Variants in ARHGAP42 observed in about 807,000 individuals in gnomAD.
The protein encoded by ARHGAP42 is Rho GTPase activating protein 42.
Under a neutral mutation model 125.0 loss-of-function variants are expected in ARHGAP42, and 63 were observed. That is an observed-to-expected ratio of 0.50 (90% CI 0.41 to 0.62). The LOEUF (loss-of-function observed/expected upper bound fraction) is 0.62, where lower values mean the gene tolerates loss of function less well. Among genes scored for constraint, ARHGAP42 ranks in the 20% least tolerant of loss-of-function variants. The probability of loss-of-function intolerance (pLI) is 0.00; values close to 1 mark genes in which losing one functional copy is unlikely to be tolerated. For synonymous variants in ARHGAP42, 339 were observed against 351.0 expected (o/e 0.97, Z 0.38); for missense variants, 766 against 1,024.2 (o/e 0.75, Z 3.44).
At position 100,706,126 on chromosome 11, in the gene ARHGAP42, C is replaced by T. The variant is rs1039029405; in HGVS notation, c.154+18294C>T. ...TCCCACGTAGCTGGGACTACAGGCG[C>T]GTGCCACCACGCCCAGAGTTAGCTG... On this transcript the variant is annotated intron_variant, in intron 1 of 23. Coordinates refer to ENST00000298815, the MANE Select transcript of ARHGAP42 (RefSeq NM_152432.4). Among the ~76,000 whole-genome samples, 16 of 151,972 alleles carry T rather than the reference C, an allele frequency of 1.1e-4. No individual in the cohort carries two copies. The East Asian group carries it at 1.9e-3, about 18-fold the overall frequency.
intron 4 of ARHGAP42, among the ~76,000 whole-genome samples, chr11:100,906,233 T>C (rs1227661745): frequency 1.3e-5 from 2 of 152,182 alleles, no homozygotes; most frequent in Non-Finnish European, 2.9e-5. Context: ...TCCTGAGAAA[T>C]GGTACAGAAG....
Position 100,876,843 on chromosome 11 carries a change from G to A in ARHGAP42, c.384+17218G>A, listed in dbSNP as rs568062577. Among the ~76,000 whole-genome samples the A allele has an allele frequency of 5.3e-5, 8 of 152,234 alleles. No individual in the cohort carries two copies. In the South Asian group the frequency reaches 8.3e-4, roughly 16 times the overall value. On this transcript the variant is annotated intron_variant, in intron 4 of 23. Coordinates refer to ENST00000298815, the MANE Select transcript of ARHGAP42 (RefSeq NM_152432.4). ...GTTCTGTATTTAGAGTTGATTTTAC[G>A]TCTTTCTCTTCTATATACAGCCAGT... is the stretch of plus-strand genomic sequence containing the variant.
chr11:100,878,101 T>G (rs536984884), intron 4 of ARHGAP42, among the ~76,000 whole-genome samples: 1 of 151,284 alleles, frequency 6.6e-6, no homozygotes, highest in Non-Finnish European at 1.5e-5. Context: ...AAAATGGTAA[T>G]AAATGCCAAT....
intron 3 of ARHGAP42, among the ~76,000 whole-genome samples, chr11:100,819,854 T>C (rs1246348512): frequency 2.0e-5 from 3 of 152,196 alleles, no homozygotes; most frequent in African/African-American, 2.4e-5. Context: ...GCACTTGTTT[T>C]TCCTCCCTGA....
chr11:100,708,883 C>T (rs986983857), intron 1 of ARHGAP42, among the ~76,000 whole-genome samples: 5 of 152,088 alleles, frequency 3.3e-5, no homozygotes, highest in African/African-American at 1.2e-4. Flanking sequence ...ATAAATTAGG[C>T]ATAGTGAGAG....
At chr11:100,701,339 C>T (rs1228987749) in intron 1 of ARHGAP42, among the ~76,000 whole-genome samples, 2 of 152,150 alleles carry the variant, frequency 1.3e-5, no homozygotes, top group Non-Finnish European at 2.9e-5. Context: ...TCACCAGCTG[C>T]TTTGGCTCCT....
chr11:100,933,318 G>T, intron 7 of ARHGAP42, 58 bp downstream of exon 7: 1 of 1,246,466 alleles, frequency 8.0e-7, no homozygotes, highest in South Asian at 1.6e-5. Context: ...GATTTCACAG[G>T]GCAACTAATT....
intron 5 of ARHGAP42, among the ~76,000 whole-genome samples, chr11:100,917,772 A>G (rs1179634246): frequency 6.6e-6 from 1 of 152,038 alleles, no homozygotes; most frequent in Non-Finnish European, 1.5e-5. Flanking sequence ...GGGTTTCACT[A>G]TGTTGGCCAG....
At chr11:100,975,499 A>G (rs1042973777) in intron 19 of ARHGAP42, among the ~76,000 whole-genome samples, 3 of 152,166 alleles carry the variant, frequency 2.0e-5, no homozygotes, top group Non-Finnish European at 2.9e-5. Context: ...TTACATTTCT[A>G]TATTCTTAGC....
intron 14 of ARHGAP42, among the ~76,000 whole-genome samples, 158 bp downstream of exon 14, chr11:100,961,147 C>T (rs944268618): frequency 3.3e-5 from 5 of 152,000 alleles, no homozygotes; most frequent in African/African-American, 4.8e-5. Context: ...AATAGATGAA[C>T]GATGAGAATT....
intron 6 of ARHGAP42, among the ~76,000 whole-genome samples, chr11:100,925,070 G>C (rs1867383443): frequency 6.6e-6 from 1 of 152,002 alleles, no homozygotes; most frequent in Non-Finnish European, 1.5e-5. Context: ...GACCTCAGGT[G>C]ATCCACCTGT....
chr11:100,713,987 A>T (rs1861608403), intron 1 of ARHGAP42, among the ~76,000 whole-genome samples: 3 of 152,332 alleles, frequency 2.0e-5, no homozygotes, highest in Admixed American at 1.3e-4. Flanking sequence ...TGCTGAATTA[A>T]AAAGAAAAAA....
rs1219166150 is a variant in ARHGAP42 at position 100,943,773 on chromosome 11, T to G, written c.948T>G (p.Thr316=). The G allele has an allele frequency of 1.4e-5, 21 of 1,549,158 alleles. No homozygotes were observed. In the East Asian group the frequency reaches 5.1e-4, roughly 38 times the overall value. The part of the protein sequence containing the change: ...KSSGKMNGLV[T]SSPEMFKLKS... Reference sequence around the variant, plus strand: ...TCTTGTTTCAGAATGGCCTTGTTACTAGCTCACCGGAAATGTTTAAATTAA... The same window carrying G: ...TCTTGTTTCAGAATGGCCTTGTTACGAGCTCACCGGAAATGTTTAAATTAA... Residue 316 remains threonine, a synonymous_variant, in exon 10 of 24, where the codon ACT becomes ACG. Coordinates refer to ENST00000298815, the MANE Select transcript of ARHGAP42 (RefSeq NM_152432.4).
chr11:100,691,872 A>G (rs1591109374), intron 1 of ARHGAP42, among the ~76,000 whole-genome samples: 1 of 152,346 alleles, frequency 6.6e-6, no homozygotes, highest in Middle Eastern at 3.4e-3. Context: ...TGATAAGTTT[A>G]TGGGGTAATG....
At chr11:100,752,466 A>G (rs1862482227) in intron 1 of ARHGAP42, among the ~76,000 whole-genome samples, 1 of 152,092 alleles carries the variant, frequency 6.6e-6, no homozygotes, top group Admixed American at 6.5e-5. Context: ...CTTTTGTACT[A>G]CTGGCTGTTC....
intron 4 of ARHGAP42, among the ~76,000 whole-genome samples, chr11:100,908,609 T>A (rs1866820598): frequency 6.6e-6 from 1 of 152,194 alleles, no homozygotes; most frequent in Admixed American, 6.5e-5. Flanking sequence ...TATTCCATGG[T>A]GTATATATAT....
At chr11:100,781,739 A>T (rs1863316506) in intron 2 of ARHGAP42, among the ~76,000 whole-genome samples, 1 of 152,224 alleles carries the variant, frequency 6.6e-6, no homozygotes, top group Non-Finnish European at 1.5e-5. Context: ...TTTCTGTAAT[A>T]GTTTTAATAT....
chr11:100,784,974 G>A (rs1004609245), intron 2 of ARHGAP42, among the ~76,000 whole-genome samples: 2 of 152,140 alleles, frequency 1.3e-5, no homozygotes, highest in Non-Finnish European at 2.9e-5. Context: ...TGCTAGCACC[G>A]TATCAGGTAA....
chr11:100,944,800 A>AT (rs150521158), intron 10 of ARHGAP42, among the ~76,000 whole-genome samples: 20,248 of 151,898 alleles, frequency 0.13, 1,568 homozygotes, highest in African/African-American at 0.21. Flanking sequence ...GTGAGTAGTA[A>AT]TTTTTTTGCT....
Sources: allele counts gnomAD v4.1 joint callset (sites outside exome capture counted in the v4.1 genomes callset), GRCh38; gene constraint gnomAD v4.1.1; transcripts MANE v1.5; gene names NCBI Gene and HGNC (gene_info 2026-07-23, HGNC 2026-07-21).